The following FOXN3 variants were observed in gnomAD, a reference collection of about 807,000 sequenced individuals.
FOXN3 encodes the protein forkhead box N3.
In FOXN3, 7 loss-of-function variants were observed where a neutral mutation model predicts 38.4. The observed-to-expected ratio is 0.18, with a 90% CI of 0.10 to 0.34. FOXN3 has a LOEUF of 0.34. Among genes scored for constraint, FOXN3 ranks in the 10% least tolerant of loss-of-function variants. The probability of loss-of-function intolerance (pLI) is 1.00; values close to 1 mark genes in which losing one functional copy is unlikely to be tolerated. For missense variants in FOXN3, 456 were observed against 613.4 expected, an observed-to-expected ratio of 0.74 and a Z score of 2.71; for synonymous variants, 230 against 242.2, an observed-to-expected ratio of 0.95 and a Z score of 0.47.
chr14:89,366,973 T>C (rs1244286527), intron 2 of FOXN3, among the ~76,000 whole-genome samples: 1 of 152,184 alleles, frequency 6.6e-6, no homozygotes, highest in African/African-American at 2.4e-5. Flanking sequence ...TAACTGGAAG[T>C]TGTTCAAAGT....
chr14:89,580,404 G>T (rs538043651), intron 1 of FOXN3, among the ~76,000 whole-genome samples: 9 of 152,304 alleles, frequency 5.9e-5, no homozygotes, highest in African/African-American at 1.9e-4. Context: ...ACCACCAAGG[G>T]CTGTCAGTCA....
intron 3 of FOXN3, among the ~76,000 whole-genome samples, chr14:89,300,654 G>A (rs1237964487): frequency 2.0e-5 from 3 of 152,114 alleles, no homozygotes; most frequent in Non-Finnish European, 2.9e-5. Context: ...AGTCCACCAC[G>A]AAGATGAGAG....
chr14:89,156,731 A>G lies in FOXN3; in HGVS notation c.*5683T>C, dbSNP rs868267873. 2 of 152,102 alleles carry G rather than the reference A, an allele frequency of 1.3e-5. No individual in the cohort carries two copies. Among genetic ancestry groups the G allele is most frequent in the African/African-American group, 2.4e-5 (1 of 41,402 alleles). The allele number at this position is 152,102 out of a possible 1,614,324, so 9.4% of individuals were successfully genotyped here. On this transcript the variant is annotated 3_prime_UTR_variant, in exon 6 of 6. Transcript: ENST00000557258. ...AAGTGTATATGCTTCCCAGACACAC[A>G]TGGATACATTTTTCCTCCACATTTT...
intron 3 of FOXN3, chr14:89,291,425 A>G: frequency 1.6e-6 from 1 of 610,426 alleles, no homozygotes; most frequent in Non-Finnish European, 3.2e-6. Flanking sequence ...AAACTTGGCC[A>G]CCATGCTGTT....
At chr14:89,608,071 C>A (rs1490602605) in intron 1 of FOXN3, among the ~76,000 whole-genome samples, 1 of 152,150 alleles carries the variant, frequency 6.6e-6, no homozygotes, top group Non-Finnish European at 1.5e-5. Context: ...CTCCGCTTCC[C>A]AGGTTCACGC....
upstream of FOXN3, among the ~76,000 whole-genome samples, chr14:89,422,104 T>C: frequency 6.6e-6 from 1 of 152,112 alleles, no homozygotes; most frequent in East Asian, 1.9e-4. Flanking sequence ...ACTCCTGGTC[T>C]CAAGCAATCT....
chr14:89,577,555 A>T (rs760321669), intron 1 of FOXN3: 1 of 152,118 alleles, frequency 6.6e-6, no homozygotes, highest in Non-Finnish European at 1.5e-5. Context: ...AGTTCACAAA[A>T]TCCATATATT....
intron 4 of FOXN3, among the ~76,000 whole-genome samples, chr14:89,275,071 C>T (rs1209087046): frequency 6.6e-6 from 1 of 152,164 alleles, no homozygotes; most frequent in Non-Finnish European, 1.5e-5. Flanking sequence ...AAATCCTCAC[C>T]AGGACTCCAG....
intron 1 of FOXN3, among the ~76,000 whole-genome samples, chr14:89,545,169 T>TAGAA (rs1894860983): frequency 6.6e-6 from 1 of 152,242 alleles, no homozygotes; most frequent in African/African-American, 2.4e-5. Context: ...ATGTCTAACT[T>TAGAA]TTCTTTCTCT....
chr14:89,417,756 C>T (rs147433521), upstream of FOXN3: 168 of 455,798 alleles, frequency 3.7e-4, 2 homozygotes, highest in East Asian at 0.011. Context: ...ACCCCCAGGG[C>T]CTTCCGAGCC....
At chr14:89,180,914 G>GAACAT (rs1887651145) in intron 4 of FOXN3, 108 bp from the exon 5 acceptor site, 12 of 573,798 alleles carry the variant, frequency 2.1e-5, no homozygotes, top group South Asian at 4.2e-5. Flanking sequence ...GAGAGACAGA[G>GAACAT]GGCAGAGACA....
At chr14:89,295,374 C>A (rs1052692209) in intron 3 of FOXN3, among the ~76,000 whole-genome samples, 1 of 152,210 alleles carries the variant, frequency 6.6e-6, no homozygotes, top group African/African-American at 2.4e-5. Context: ...CATTCTAACG[C>A]CTTATACCTT....
At position 89,484,938 on chromosome 14, in the gene FOXN3, G is replaced by A. The variant is rs994270633; in HGVS notation, c.-14-72448C>T. On this transcript the variant is annotated intron_variant, in intron 1 of 6. Coordinates refer to the FOXN3 transcript ENST00000345097. This position sits in a 1 kb window ranked among gnomAD's most constrained non-coding sequence, Gnocchi z 4.0. ...AGGCCAAGGCAGGAGGATCACTTGA[G>A]GTCAGGAGTTCGAGACCAGCCTGGC... 2.6e-5 allele frequency among the ~76,000 whole-genome samples: 4 copies of A among 152,078 alleles called. No homozygotes were observed. The highest frequency in any genetic ancestry group is 1.3e-4 in the Admixed American group (2 of 15,276).
chr14:89,299,635 G>C (rs530301603), intron 3 of FOXN3, among the ~76,000 whole-genome samples: 5 of 152,174 alleles, frequency 3.3e-5, no homozygotes, highest in Non-Finnish European at 7.3e-5. Context: ...AAGGTGGCCC[G>C]GGGATACCTT....
chr14:89,558,889 T>A (rs1490211583), intron 1 of FOXN3, among the ~76,000 whole-genome samples: 1 of 152,146 alleles, frequency 6.6e-6, no homozygotes, highest in African/African-American at 2.4e-5. Context: ...GCTTAGTGCA[T>A]CTCGTGTGAC....
At chr14:89,204,792 CTCCATCCATCCATCCA>C (rs142220885) in intron 4 of FOXN3, among the ~76,000 whole-genome samples, 3 of 150,648 alleles carry the variant, frequency 2.0e-5, no homozygotes, top group Admixed American at 6.6e-5. Flanking sequence ...GAGACATAGG[CTCCATCCATCCATCCA>C]TCCATCCATC....
rs1204650448 is a variant in FOXN3 at position 89,417,110 on chromosome 14, C to G, written c.-254G>C. 6.9e-6 allele frequency: 1 copy of G among 144,152 alleles called. No homozygotes were observed. The highest frequency in any genetic ancestry group is 1.5e-5 in the Non-Finnish European group (1 of 65,024). The allele number at this position is 144,152 out of a possible 1,614,324, so 8.9% of individuals were successfully genotyped here. A position where few individuals can be genotyped will look rare whatever the true frequency, so the allele number is the denominator to read the frequency against. ...CCGCCGGGCGCGCCGCGCGTCCTCC[C>G]GCCGGCCCCGCCGCTCTCCCCGCCC... On this transcript the variant is annotated 5_prime_UTR_variant, in exon 1 of 6. Transcript: ENST00000557258.
intron 3 of FOXN3, among the ~76,000 whole-genome samples, chr14:89,319,587 C>A (rs1394563869): frequency 6.6e-6 from 1 of 152,038 alleles, no homozygotes; most frequent in Non-Finnish European, 1.5e-5. Flanking sequence ...CACCAGGAGC[C>A]CCACTTCTAG....
At chr14:89,264,299 G>A (rs1350712023) in intron 4 of FOXN3, among the ~76,000 whole-genome samples, 4 of 152,116 alleles carry the variant, frequency 2.6e-5, no homozygotes, top group South Asian at 2.1e-4. Flanking sequence ...AGCAGAAGGC[G>A]AAAGACACAT....
Sources: allele counts gnomAD v4.1 joint callset (sites outside exome capture counted in the v4.1 genomes callset), GRCh38; gene constraint gnomAD v4.1.1; non-coding constraint Gnocchi (gnomAD v3.1); transcripts MANE v1.5; gene names NCBI Gene and HGNC (gene_info 2026-07-23, HGNC 2026-07-21).